The following SMARCAL1 variants were observed in gnomAD, a reference collection of about 807,000 sequenced individuals.
SMARCAL1 encodes the protein ATP-driven annealing helicase.
SMARCAL1 carries 58 observed loss-of-function variants against 94.5 expected under a neutral mutation model. The observed-to-expected ratio is 0.61, with a 90% CI of 0.50 to 0.76. The LOEUF (loss-of-function observed/expected upper bound fraction) is 0.76, where lower values mean the gene tolerates loss of function less well. SMARCAL1 is among the 30% of genes least tolerant of loss of function. SMARCAL1 has a pLI of 0.00. For synonymous variants in SMARCAL1, 422 were observed against 455.1 expected, an observed-to-expected ratio of 0.93 and a Z score of 0.93; for missense variants, 1,051 against 1,177.9, an observed-to-expected ratio of 0.89 and a Z score of 1.58.
intron 7 of SMARCAL1, among the ~76,000 whole-genome samples, chr2:216,430,544 G>T (rs1173230069): frequency 6.6e-6 from 1 of 152,190 alleles, no homozygotes; most frequent in African/African-American, 2.4e-5. Flanking sequence ...CAACTGCCCT[G>T]TGGAGGATGA....
chr2:216,416,797 C>T (rs962248340), intron 4 of SMARCAL1, among the ~76,000 whole-genome samples: 1 of 152,334 alleles, frequency 6.6e-6, no homozygotes, highest in South Asian at 2.1e-4. Flanking sequence ...GCAAACAGCA[C>T]AGATCCTCAG....
chr2:216,477,260 CTGA>C lies in SMARCAL1; in HGVS notation c.2528+56_2528+58del, dbSNP rs1473701899. The C allele has an allele frequency of 3.9e-6, 5 of 1,274,884 alleles. No homozygotes were observed. The Admixed American group carries it at 9.8e-5, about 25-fold the overall frequency. The allele number at this position is 1,274,884 out of a possible 1,614,324, so 79.0% of individuals were successfully genotyped here. A position where few individuals can be genotyped will look rare whatever the true frequency, so the allele number is the denominator to read the frequency against. On this transcript the variant is annotated intron_variant, in intron 16 of 17. Coordinates refer to ENST00000357276, the MANE Select transcript of SMARCAL1 (RefSeq NM_014140.4). ...AGTTGGAGTCGAGCAAGGGTGGAAA[CTGA>C]TGATATGTTTACTTTGCTCCCAAAG...
chr2:216,474,128 C>CTTTTTTTTTTTTTTTTT (rs1182416023), intron 14 of SMARCAL1, among the ~76,000 whole-genome samples: 7 of 64,926 alleles, frequency 1.1e-4, no homozygotes, highest in African/African-American at 3.5e-4. Flanking sequence ...GTATAGCATT[C>CTTTTTTTTTTTTTTTTT]TTTTTTTTTT....
intron 14 of SMARCAL1, among the ~76,000 whole-genome samples, chr2:216,471,014 T>C (rs1431247686): frequency 1.3e-5 from 2 of 152,094 alleles, no homozygotes; most frequent in African/African-American, 4.8e-5. Context: ...GATGGTGGAA[T>C]AGAATACATG....
Position 216,435,473 on chromosome 2 carries a change from A to G in SMARCAL1, c.1621A>G (p.Thr541Ala). 1 of 1,613,888 alleles carries G rather than the reference A, an allele frequency of 6.2e-7. No individual in the cohort carries two copies. Among genetic ancestry groups the G allele is most frequent in the Non-Finnish European group, 8.5e-7 (1 of 1,179,952 alleles). ...TAGCAAGTTGGAAAAACAGCTAAAA[A>G]CCCCTTTTAAAGTTGTCATCATTGT... The part of the protein sequence containing the change: ...LLSKLEKQLK[T>A]PFKVVIIDES... Residue 541 changes from threonine (T) to alanine (A), a missense_variant, in exon 9 of 18, where the codon ACC (threonine) becomes GCC (alanine). Thr to Ala is a moderately conservative substitution (Grantham distance 58, BLOSUM62 0). Around this residue, in one of 3 missense-constraint regions of SMARCAL1, gnomAD observed 642 missense variants for 754.7 expected, o/e 0.85. Transcript: ENST00000357276.
chr2:216,430,549 G>A (rs1693939847), intron 7 of SMARCAL1, among the ~76,000 whole-genome samples: 2 of 152,178 alleles, frequency 1.3e-5, no homozygotes, highest in Non-Finnish European at 2.9e-5. Flanking sequence ...GCCCTGTGGA[G>A]GATGACATTT....
intron 12 of SMARCAL1, among the ~76,000 whole-genome samples, chr2:216,455,124 G>T (rs995208801): frequency 3.3e-5 from 5 of 152,236 alleles, no homozygotes; most frequent in African/African-American, 1.2e-4. Context: ...GTCTGAGATC[G>T]AACTGCAAGG....
At chr2:216,452,964 C>A (rs970437005) in intron 12 of SMARCAL1, among the ~76,000 whole-genome samples, 9 of 152,098 alleles carry the variant, frequency 5.9e-5, no homozygotes, top group African/African-American at 2.2e-4. Flanking sequence ...CTATACAAAT[C>A]CAGTATTTTT....
intron 5 of SMARCAL1, 32 bp from the exon 6 acceptor site, chr2:216,423,601 C>T: frequency 6.3e-7 from 1 of 1,585,986 alleles, no homozygotes; most frequent in Non-Finnish European, 8.7e-7. Flanking sequence ...GGCAGGGTGT[C>T]CTATTTGCTT....
intron 17 of SMARCAL1, among the ~76,000 whole-genome samples, chr2:216,481,707 G>A (rs1422193888): frequency 3.3e-5 from 5 of 151,734 alleles, no homozygotes; most frequent in African/African-American, 1.2e-4. Context: ...GTTTCACCAC[G>A]TTGGCCAGGC....
chr2:216,428,702 A>G lies in SMARCAL1; in HGVS notation c.1254A>G (p.Pro418=). ...QLKKTSLSLT[P]DVPEADLSEV... ...AGAAGACATCTCTCAGTCTCACGCC[A>G]GATGTCCCAGAGGCAGACCTTTCTG... The change falls in exon 7 of 18, where the codon CCA becomes CCG. Residue 418 remains proline (P), a synonymous_variant. Transcript: ENST00000357276. The G allele has an allele frequency of 1.2e-6, 2 of 1,614,140 alleles. No individual in the cohort carries two copies. The highest frequency in any genetic ancestry group is 1.7e-6 in the Non-Finnish European group (2 of 1,180,004).
chr2:216,428,228 G>A (rs1424398833), intron 6 of SMARCAL1, among the ~76,000 whole-genome samples: 1 of 152,106 alleles, frequency 6.6e-6, no homozygotes, highest in African/African-American at 2.4e-5. Flanking sequence ...TTTTTAATTT[G>A]TAATTCAGCC....
intron 12 of SMARCAL1, among the ~76,000 whole-genome samples, chr2:216,460,326 C>T (rs1694666689): frequency 6.6e-6 from 1 of 152,156 alleles, no homozygotes; most frequent in Non-Finnish European, 1.5e-5. Flanking sequence ...CCCAGCCATC[C>T]CATTACTGGG....
chr2:216,438,470 T>C lies in SMARCAL1; in HGVS notation c.1695T>C (p.Ala565=), dbSNP rs981711863. The C allele has an allele frequency of 6.2e-7, 1 of 1,613,884 alleles. No homozygotes were observed. Among genetic ancestry groups the C allele is most frequent in the Non-Finnish European group, 8.5e-7 (1 of 1,179,944 alleles). The change falls in exon 10 of 18, where the codon GCT becomes GCC. Residue 565 remains alanine (A), a synonymous_variant. Coordinates refer to ENST00000357276, the MANE Select transcript of SMARCAL1 (RefSeq NM_014140.4). ...GTAGGACTGCCCGCTGTCGAGCAGC[T>C]ATGCCGGTCCTAAAGGTGAGTACTT... ...KNSRTARCRA[A]MPVLKVAKRV...
intron 6 of SMARCAL1, among the ~76,000 whole-genome samples, chr2:216,428,201 G>A (rs929403967): frequency 3.3e-5 from 5 of 152,182 alleles, no homozygotes; most frequent in African/African-American, 1.2e-4. Flanking sequence ...CTCTAGGTCT[G>A]TCATTTTTTC....
chr2:216,467,754 G>A (rs1199278756), intron 13 of SMARCAL1, among the ~76,000 whole-genome samples, 190 bp from the exon 14 acceptor site: 3 of 152,084 alleles, frequency 2.0e-5, no homozygotes, highest in African/African-American at 7.2e-5. Flanking sequence ...CTCCCTAAAT[G>A]CTTTCAGATC....
chr2:216,415,370 C>CA lies in SMARCAL1; in HGVS notation c.666_667insA (p.Gln223ThrfsTer41), dbSNP rs756174064. On this transcript the variant is annotated frameshift_variant, in exon 3 of 18. Coordinates refer to ENST00000357276, the MANE Select transcript of SMARCAL1 (RefSeq NM_014140.4). LOFTEE classifies it high-confidence loss of function. ...TAACGCCCAGGACAGAAGGAAGACT[C>CA]CAGCAGAAGTCAGGGTCCTCAGTCC... 4.3e-6 allele frequency: 7 copies of CA among 1,614,096 alleles called. No homozygotes were observed. The highest frequency in any genetic ancestry group is 8.5e-7 in the Non-Finnish European group (1 of 1,180,048).
intron 7 of SMARCAL1, among the ~76,000 whole-genome samples, chr2:216,430,360 A>G (rs2106030868): frequency 6.6e-6 from 1 of 152,334 alleles, no homozygotes; most frequent in East Asian, 1.9e-4. Context: ...AATCTCTTAG[A>G]AATATCAGCA....
chr2:216,423,000 T>C (rs1303571595), intron 5 of SMARCAL1, among the ~76,000 whole-genome samples: 1 of 152,228 alleles, frequency 6.6e-6, no homozygotes, highest in African/African-American at 2.4e-5. Context: ...AGTCATACTT[T>C]TATAAGCATT....
Sources: allele counts gnomAD v4.1 joint callset (sites outside exome capture counted in the v4.1 genomes callset), GRCh38; gene constraint gnomAD v4.1.1; regional missense constraint gnomAD v4.1.1; transcripts MANE v1.5; gene names NCBI Gene and HGNC (gene_info 2026-07-23, HGNC 2026-07-21).